Variants in ATOSA observed in about 807,000 individuals in gnomAD.
ATOSA encodes the protein atos homolog protein A.
the ATOSA span, among the ~76,000 whole-genome samples, chr15:52,619,527 T>C: frequency 6.6e-6 from 1 of 152,172 alleles, no homozygotes; most frequent in African/African-American, 2.4e-5. Context: ...CTGCTAGGCC[T>C]TCTTACCAGT....
At chr15:52,656,827 C>A in the ATOSA span, 3 of 152,070 alleles carry the variant, frequency 2.0e-5, no homozygotes, top group African/African-American at 7.2e-5. Context: ...ATTAGTATCA[C>A]CACTATTACA....
chr15:52,588,443 AT>A, the ATOSA span, among the ~76,000 whole-genome samples: 1 of 151,948 alleles, frequency 6.6e-6, no homozygotes, highest in African/African-American at 2.4e-5. Flanking sequence ...AATTATTATT[AT>A]TATTATTATT....
the ATOSA span, among the ~76,000 whole-genome samples, chr15:52,588,259 T>G: frequency 6.6e-6 from 1 of 152,206 alleles, no homozygotes; most frequent in East Asian, 1.9e-4. Context: ...CCTGCTCTAC[T>G]ATATGAAGTA....
At chr15:52,595,785 G>T in the ATOSA span, among the ~76,000 whole-genome samples, 16 of 152,084 alleles carry the variant, frequency 1.1e-4, no homozygotes, top group Non-Finnish European at 2.9e-5. Context: ...CAGAAAACAT[G>T]AAATACTTAG....
the ATOSA span, chr15:52,598,613 T>G: frequency 6.6e-6 from 1 of 152,218 alleles, no homozygotes; most frequent in Non-Finnish European, 1.5e-5. Context: ...TCATTATAAA[T>G]AAGACCTATG....
chr15:52,601,970 C>T, the ATOSA span, among the ~76,000 whole-genome samples: 1 of 152,224 alleles, frequency 6.6e-6, no homozygotes, highest in Non-Finnish European at 1.5e-5. Context: ...TCTAAACCCT[C>T]ATGTCTTCAA....
At chr15:52,678,386 G>T in the ATOSA span, 2 of 307,844 alleles carry the variant, frequency 6.5e-6, no homozygotes, top group Non-Finnish European at 1.2e-5. Context: ...TAACCTGGAG[G>T]TACAGGCAAG....
the ATOSA span, among the ~76,000 whole-genome samples, chr15:52,699,722 C>T: frequency 5.9e-5 from 9 of 152,108 alleles, no homozygotes; most frequent in African/African-American, 1.7e-4. Flanking sequence ...ATCTCCCCAG[C>T]GGGCATCCTG....
chr15:52,695,761 G>A, the ATOSA span, among the ~76,000 whole-genome samples: 1 of 152,196 alleles, frequency 6.6e-6, no homozygotes, highest in Non-Finnish European at 1.5e-5. Flanking sequence ...AGGCGTCATT[G>A]GAAGGAGGTT....
the ATOSA span, among the ~76,000 whole-genome samples, chr15:52,620,159 G>T: frequency 6.6e-6 from 1 of 152,152 alleles, no homozygotes; most frequent in Non-Finnish European, 1.5e-5. Flanking sequence ...GGAAAACTTT[G>T]AACAACTGGG....
the ATOSA span, among the ~76,000 whole-genome samples, chr15:52,676,269 T>A: frequency 2.4e-3 from 367 of 152,184 alleles, 1 homozygote; most frequent in Non-Finnish European, 4.3e-3. Context: ...AAAAATGAAG[T>A]GTAACTGTTT....
chr15:52,620,961 G>C, the ATOSA span, among the ~76,000 whole-genome samples: 1,158 of 152,158 alleles, frequency 7.6e-3, 16 homozygotes, highest in African/African-American at 0.027. Context: ...AAAATAAAAA[G>C]TGTCCTTTTT....
At chr15:52,630,354 C>T in the ATOSA span, among the ~76,000 whole-genome samples, 3 of 151,566 alleles carry the variant, frequency 2.0e-5, no homozygotes, top group Admixed American at 2.0e-4. Flanking sequence ...AGAAGACATG[C>T]CAAAAACAAA....
chr15:52,591,865 CT>C, the ATOSA span, among the ~76,000 whole-genome samples: 1 of 152,154 alleles, frequency 6.6e-6, no homozygotes, highest in African/African-American at 2.4e-5. Flanking sequence ...GGGGCCTCTT[CT>C]TTCGATAATA....
At chr15:52,598,610 A>C in the ATOSA span, 2 of 152,196 alleles carry the variant, frequency 1.3e-5, no homozygotes, top group African/African-American at 2.4e-5. Flanking sequence ...AATTCATTAT[A>C]AATAAGACCT....
At chr15:52,629,572 G>T in the ATOSA span, 1 of 388,958 alleles carries the variant, frequency 2.6e-6, no homozygotes, top group Non-Finnish European at 5.2e-6. Context: ...GGCAGGCTGA[G>T]GAGGGCACAT....
chr15:52,699,586 TA>T, the ATOSA span, among the ~76,000 whole-genome samples: 2 of 149,184 alleles, frequency 1.3e-5, no homozygotes, highest in South Asian at 2.1e-4. Context: ...AGTAACTCAT[TA>T]AAAAAAAACA....
At chr15:52,678,335 T>G in the ATOSA span, 1 of 539,862 alleles carries the variant, frequency 1.9e-6, no homozygotes, top group Non-Finnish European at 3.3e-6. Flanking sequence ...GGCCAATGTG[T>G]CCTTCTGACA....
the ATOSA span, among the ~76,000 whole-genome samples, chr15:52,602,474 C>T: frequency 1.3e-5 from 2 of 151,920 alleles, no homozygotes; most frequent in Admixed American, 6.6e-5. Flanking sequence ...TTCAGTAAGA[C>T]GTATTTGCTA....
Sources: allele counts gnomAD v4.1 joint callset (sites outside exome capture counted in the v4.1 genomes callset), GRCh38; gene constraint gnomAD v4.1.1; transcripts MANE v1.5; gene names NCBI Gene and HGNC (gene_info 2026-07-23, HGNC 2026-07-21).